The following CADM2 variants were observed in gnomAD, a reference collection of about 807,000 sequenced individuals.
The protein encoded by CADM2 is cell adhesion molecule 2, also known as immunoglobulin superfamily member 4D.
CADM2 carries 12 observed loss-of-function variants against 49.8 expected under a neutral mutation model. The observed-to-expected ratio is 0.24, with a 90% CI of 0.15 to 0.39. The LOEUF (loss-of-function observed/expected upper bound fraction) is 0.39. CADM2 is among the 10% of genes least tolerant of loss of function. The pLI is 1.00. For missense variants in CADM2, 378 were observed against 492.3 expected (o/e 0.77, Z 2.20); for synonymous variants, 214 against 175.4 (o/e 1.22, Z -1.74).
chr3:85,700,157 A>G (rs888966319), intron 1 of CADM2, among the ~76,000 whole-genome samples: 4 of 152,224 alleles, frequency 2.6e-5, no homozygotes, highest in Non-Finnish European at 5.9e-5. Flanking sequence ...ATGCAGCCAT[A>G]AAAAAGAATG....
intron 1 of CADM2, among the ~76,000 whole-genome samples, chr3:85,481,150 T>G (rs1487049912): frequency 6.6e-6 from 1 of 150,678 alleles, no homozygotes; most frequent in East Asian, 1.9e-4. Flanking sequence ...TGAATTTTAG[T>G]TTCAATGATA....
chr3:85,071,448 GA>G (rs140611626), intron 1 of CADM2, among the ~76,000 whole-genome samples: 7,222 of 152,058 alleles, frequency 0.047, 552 homozygotes, highest in African/African-American at 0.16. Flanking sequence ...TAAAGGGATG[GA>G]AAAACCTTAG....
chr3:85,230,054 G>T (rs1379717537), intron 1 of CADM2, among the ~76,000 whole-genome samples: 2 of 152,142 alleles, frequency 1.3e-5, no homozygotes, highest in South Asian at 2.1e-4. Flanking sequence ...TCTAATGCTG[G>T]GAAATCAACT....
chr3:86,048,823 C>G (rs534284838), intron 8 of CADM2, among the ~76,000 whole-genome samples: 18 of 152,148 alleles, frequency 1.2e-4, no homozygotes, highest in Admixed American at 4.6e-4. Flanking sequence ...TAAGAATGTT[C>G]TACATAAGAT....
chr3:85,263,875 AAT>A (rs2043066245), intron 1 of CADM2, among the ~76,000 whole-genome samples: 1 of 152,140 alleles, frequency 6.6e-6, no homozygotes, highest in South Asian at 2.1e-4. Context: ...ATATTTTAAA[AAT>A]AATTTGGAAT....
intron 1 of CADM2, among the ~76,000 whole-genome samples, chr3:85,207,050 A>ATGTGTGTGTGTGTGTGTGTGTG (rs3085116): frequency 6.9e-6 from 1 of 144,884 alleles, no homozygotes. Context: ...GAAGAAATAA[A>ATGTGTGTGTGTGTGTGTGTGTG]TGTGTGTGTG....
intron 1 of CADM2, among the ~76,000 whole-genome samples, chr3:85,713,131 CTT>C (rs1287184470): frequency 1.3e-5 from 2 of 152,084 alleles, no homozygotes; most frequent in Non-Finnish European, 2.9e-5. Context: ...GAGTTTAACT[CTT>C]ATCTCCCAGG....
intron 1 of CADM2, among the ~76,000 whole-genome samples, chr3:85,579,793 T>C (rs12629291): frequency 0.081 from 12,260 of 152,152 alleles, 953 homozygotes; most frequent in African/African-American, 0.18. Flanking sequence ...ATATCTAATT[T>C]ACATAGATAT....
Position 85,802,194 on chromosome 3 carries a change from A to C in CADM2, c.236A>C (p.Lys79Thr). ...AQQTLYFDDK[K>T]ALRDNRIELV... ...CAGACTCTGTACTTTGACGACAAGAAAGGTGAATACATTTTCTTTCAAATG... is the reference window on the plus strand; with the variant it reads ...CAGACTCTGTACTTTGACGACAAGACAGGTGAATACATTTTCTTTCAAATG... Residue 79 changes from lysine (K) to threonine (T), a missense_variant and splice_region_variant, in exon 3 of 10, where the codon AAA (lysine) becomes ACA (threonine). Physicochemically the swap from Lys to Thr is moderately conservative, Grantham distance 78 (BLOSUM62 -1). Coordinates refer to ENST00000383699, the MANE Select transcript of CADM2 (RefSeq NM_001167675.2). 6.2e-7 allele frequency: 1 copy of C among 1,607,504 alleles called. No homozygotes were observed. Among genetic ancestry groups the C allele is most frequent in the East Asian group, 2.2e-5 (1 of 44,676 alleles).
chr3:85,012,965 CA>C (rs2034067476), intron 1 of CADM2, among the ~76,000 whole-genome samples: 1 of 151,346 alleles, frequency 6.6e-6, no homozygotes, highest in African/African-American at 2.4e-5. Flanking sequence ...TTGGAGATAT[CA>C]AAAAAGTCAA....
intron 1 of CADM2, among the ~76,000 whole-genome samples, chr3:85,114,636 A>C (rs1218485867): frequency 6.6e-6 from 1 of 152,112 alleles, no homozygotes; most frequent in African/African-American, 2.4e-5. Flanking sequence ...TAATTGGCTT[A>C]AACAGTTCAG....
At chr3:85,377,681 C>T (rs568330550) in intron 1 of CADM2, among the ~76,000 whole-genome samples, 2 of 152,082 alleles carry the variant, frequency 1.3e-5, no homozygotes, top group African/African-American at 2.4e-5. Flanking sequence ...TAGGTGTATA[C>T]TGACTAATGA....
At chr3:86,058,547 G>A (rs1172336505) in intron 8 of CADM2, among the ~76,000 whole-genome samples, 1 of 152,042 alleles carries the variant, frequency 6.6e-6, no homozygotes, top group Non-Finnish European at 1.5e-5. Context: ...TGTAAATCCA[G>A]AGTTTGTAAG....
rs560593968 is a variant in CADM2, at chr3:85,817,378, C to T, written c.238+15182C>T. Reference sequence around the variant, plus strand: ...CTATACATAATATATTGCATTTGGACTTTCAAAGTCCCATCAAATACACAT... The same window carrying T: ...CTATACATAATATATTGCATTTGGATTTTCAAAGTCCCATCAAATACACAT... On this transcript the variant is annotated intron_variant, in intron 3 of 9. Transcript: ENST00000383699. Among the ~76,000 whole-genome samples, 6 of 140,946 alleles carry T rather than the reference C, an allele frequency of 4.3e-5. 1 individual carries two copies. Among genetic ancestry groups the T allele is most frequent in the African/African-American group, 1.6e-4 (6 of 38,008 alleles). 92.5% of individuals were successfully genotyped at this position (140,946 alleles called of 152,430 possible).
chr3:85,973,375 C>T (rs183812885), intron 8 of CADM2, among the ~76,000 whole-genome samples: 1 of 151,850 alleles, frequency 6.6e-6, no homozygotes, highest in Non-Finnish European at 1.5e-5. Flanking sequence ...AAGACCCCAT[C>T]TTTTAAAACA....
intron 3 of CADM2, among the ~76,000 whole-genome samples, chr3:85,817,747 A>T (rs1328271706): frequency 1.3e-5 from 2 of 152,102 alleles, no homozygotes; most frequent in Admixed American, 1.3e-4. Context: ...CTTGAAGTGG[A>T]GCTTGCAGTG....
intron 1 of CADM2, among the ~76,000 whole-genome samples, chr3:85,676,510 ATTG>A (rs1160450196): frequency 6.6e-6 from 1 of 152,072 alleles, no homozygotes; most frequent in African/African-American, 2.4e-5. Flanking sequence ...CATAGTTTTG[ATTG>A]TTGTAACATA....
At chr3:85,662,232 G>GT (rs1448845366) in intron 1 of CADM2, among the ~76,000 whole-genome samples, 98 of 131,922 alleles carry the variant, frequency 7.4e-4, no homozygotes, top group African/African-American at 2.8e-3. Flanking sequence ...AGTATAGGTG[G>GT]GTTTTTTTTT....
chr3:85,126,681 T>A (rs2039045800), intron 1 of CADM2, among the ~76,000 whole-genome samples: 1 of 152,146 alleles, frequency 6.6e-6, no homozygotes, highest in Non-Finnish European at 1.5e-5. Flanking sequence ...CTTTAACTTT[T>A]CCTTACATGT....
Sources: allele counts gnomAD v4.1 joint callset (sites outside exome capture counted in the v4.1 genomes callset), GRCh38; gene constraint gnomAD v4.1.1; transcripts MANE v1.5; gene names NCBI Gene and HGNC (gene_info 2026-07-23, HGNC 2026-07-21).